The following FREM2 variants were observed in gnomAD, a reference collection of about 807,000 sequenced individuals.
FREM2 encodes FRAS1-related extracellular matrix protein 2.
FREM2 carries 119 observed loss-of-function variants against 219.9 expected under a neutral mutation model. The ratio of observed to expected loss-of-function variants is 0.54; its 90% CI spans 0.47 to 0.63. The LOEUF is 0.63. Among genes scored for constraint, FREM2 ranks in the 30% least tolerant of loss-of-function variants. The probability of loss-of-function intolerance (pLI) is 0.00; values close to 1 mark genes in which losing one functional copy is unlikely to be tolerated. For synonymous variants in FREM2, 1,562 were observed against 1,522.8 expected, an observed-to-expected ratio of 1.03 and a Z score of -0.60; for missense variants, 4,030 against 3,993.6, an observed-to-expected ratio of 1.01 and a Z score of -0.25.
rs757221688 is a variant in FREM2, at chr13:38,692,062, C to T, written c.4718C>T (p.Thr1573Ile). 8 of 1,614,188 alleles carry T rather than the reference C, an allele frequency of 5.0e-6. No homozygotes were observed. Among genetic ancestry groups the T allele is most frequent in the Non-Finnish European group, 6.8e-6 (8 of 1,180,030 alleles). Residue 1573 changes from threonine (T) to isoleucine (I), a missense_variant, in exon 1 of 24, where the codon ACC becomes ATC. This residue lies in a region of FREM2 where 3,102 missense variants were observed against 2,950.7 expected (regional missense o/e 1.05). Transcript: ENST00000280481. Reference protein sequence around the residue: ...TPDKLLKFTITQVPIHGHLLF... With the variant: ...TPDKLLKFTIIQVPIHGHLLF... ...GACAAGCTCCTGAAATTCACTATCACCCAGGTGCCTATTCATGGCCATCTC... is the reference window on the plus strand; with the variant it reads ...GACAAGCTCCTGAAATTCACTATCATCCAGGTGCCTATTCATGGCCATCTC...
At chr13:38,863,673 T>C (rs1365815717) in intron 15 of FREM2, among the ~76,000 whole-genome samples, 3 of 152,192 alleles carry the variant, frequency 2.0e-5, no homozygotes, top group Non-Finnish European at 4.4e-5. Context: ...TATCATATCT[T>C]GTAGTCTCTG....
intron 6 of FREM2, among the ~76,000 whole-genome samples, chr13:38,801,488 G>T (rs933577908): frequency 6.6e-6 from 1 of 152,112 alleles, no homozygotes; most frequent in Non-Finnish European, 1.5e-5. Flanking sequence ...ACTTTTTTAG[G>T]TGATGACTTT....
chr13:38,727,282 TA>T (rs1307234415), intron 2 of FREM2, among the ~76,000 whole-genome samples: 1 of 152,138 alleles, frequency 6.6e-6, no homozygotes, highest in Admixed American at 6.6e-5. Context: ...TTAAATGCTA[TA>T]AAAATACAGA....
Position 38,761,624 on chromosome 13 carries a change from C to A in FREM2, c.5264-2680C>A, listed in dbSNP as rs371255887. Among the ~76,000 whole-genome samples the A allele has an allele frequency of 3.3e-5, 5 of 152,134 alleles. No individual in the cohort carries two copies. In the East Asian group the frequency reaches 9.7e-4, roughly 29 times the overall value. On this transcript the variant is annotated intron_variant, in intron 2 of 23. Transcript: ENST00000280481. ...TAATACAATTAAATATGAGAGGATA[C>A]CCACTAAAGTGCACAACTATACAGA...
chr13:38,710,296 G>A (rs1356564160), intron 2 of FREM2, among the ~76,000 whole-genome samples: 3 of 151,990 alleles, frequency 2.0e-5, no homozygotes, highest in African/African-American at 7.2e-5. Flanking sequence ...CTATTTCTAA[G>A]ACTTAAAAAA....
chr13:38,809,832 T>C (rs748651890), intron 6 of FREM2, among the ~76,000 whole-genome samples: 1 of 152,120 alleles, frequency 6.6e-6, no homozygotes, highest in East Asian at 1.9e-4. Context: ...TGATTCCATA[T>C]AAATTTTAGG....
intron 18 of FREM2, 58 bp from the exon 19 acceptor site, chr13:38,875,951 AACTCTAAACTGTT>A: frequency 1.5e-6 from 2 of 1,366,324 alleles, no homozygotes; most frequent in East Asian, 2.3e-5. Context: ...TTATTTTGAA[AACTCTAAACTGTT>A]ATGCACTCTT....
rs368385671 is a variant in FREM2, at chr13:38,688,379, C to T, written c.1035C>T (p.Ala345=). Residue 345 remains alanine (A), a synonymous_variant, in exon 1 of 24, where the codon GCC becomes GCT. Transcript: ENST00000280481. ...CCCTGACCCCAGACATGCTGGCAGC[C>T]GAGGATGCTGAGTCTCCCTCTGACC... ...LTALTPDMLA[A]EDAESPSDLL... is the part of the protein sequence containing the mutation. The T allele has an allele frequency of 2.0e-5, 32 of 1,613,944 alleles. No homozygotes were observed. Among genetic ancestry groups the T allele is most frequent in the Middle Eastern group, 1.6e-4 (1 of 6,082 alleles).
chr13:38,704,196 G>A (rs746141354), intron 2 of FREM2, among the ~76,000 whole-genome samples: 2 of 152,016 alleles, frequency 1.3e-5, no homozygotes, highest in African/African-American at 2.4e-5. Flanking sequence ...TTTCTTTATC[G>A]AATTACTCAA....
At chr13:38,780,059 G>A (rs1002260888) in intron 4 of FREM2, among the ~76,000 whole-genome samples, 2 of 151,968 alleles carry the variant, frequency 1.3e-5, no homozygotes, top group African/African-American at 2.4e-5. Flanking sequence ...TTTGACTCGT[G>A]GCTCTACATA....
Position 38,864,465 on chromosome 13 carries a change from C to T in FREM2, c.7842C>T (p.Tyr2614=), listed in dbSNP as rs765030308. 50 of 1,614,070 alleles carry T rather than the reference C, an allele frequency of 3.1e-5. No individual in the cohort carries two copies. Among genetic ancestry groups the T allele is most frequent in the Non-Finnish European group, 3.9e-5 (46 of 1,180,022 alleles). Residue 2614 remains tyrosine, a synonymous_variant, in exon 16 of 24, where the codon TAC becomes TAT. Coordinates refer to ENST00000280481, the MANE Select transcript of FREM2 (RefSeq NM_207361.6). ...TTGGAGAGACATATCCTTACCAGTA[C>T]AGCTTGTCCATCAGAGGTTCCACTA... The part of the protein sequence containing the change: ...EIIGETYPYQ[Y]SLSIRGSTTL...
chr13:38,701,958 A>G (rs1012997589), intron 2 of FREM2, among the ~76,000 whole-genome samples: 2 of 152,180 alleles, frequency 1.3e-5, no homozygotes, highest in African/African-American at 4.8e-5. Context: ...GCACGAGGTA[A>G]ATACTTACCG....
chr13:38,778,225 A>G (rs1873956437), intron 4 of FREM2, among the ~76,000 whole-genome samples: 1 of 152,214 alleles, frequency 6.6e-6, no homozygotes, highest in Non-Finnish European at 1.5e-5. Context: ...CTATAACAAA[A>G]TGCCACAGAC....
chr13:38,687,527 G>A lies in FREM2; in HGVS notation c.183G>A (p.Ala61=). 1 of 1,597,684 alleles carries A rather than the reference G, an allele frequency of 6.3e-7. No homozygotes were observed. The highest frequency in any genetic ancestry group is 8.5e-7 in the Non-Finnish European group (1 of 1,172,280). ...FGRALLSPGL[A]GAAGVPAEEA... The stretch of plus-strand genomic sequence containing the variant: ...GGGCGTTGCTGTCCCCTGGTCTCGC[G>A]GGGGCTGCAGGGGTCCCTGCTGAGG... Residue 61 remains alanine (A), a synonymous_variant, in exon 1 of 24, where the codon GCG becomes GCA. Transcript: ENST00000280481.
intron 6 of FREM2, among the ~76,000 whole-genome samples, chr13:38,802,567 A>G (rs927456499): frequency 1.3e-5 from 2 of 152,118 alleles, no homozygotes; most frequent in African/African-American, 4.8e-5. Flanking sequence ...GCCCACCCCA[A>G]TGGCAGTAAG....
chr13:38,696,065 T>C (rs1487536189), intron 1 of FREM2, among the ~76,000 whole-genome samples: 1 of 152,118 alleles, frequency 6.6e-6, no homozygotes. Context: ...CATAGCACTT[T>C]GGGAGGCTGA....
In FREM2 at chr13:38,806,151, C is replaced by T. The variant is rs372721966; in HGVS notation, c.6019+21343C>T. ...ATTCACTAAATACAAGTAGGAGGGT[C>T]CAGAGAAGAGAGACTTCTCCATGTT... On this transcript the variant is annotated intron_variant, in intron 6 of 23. Coordinates refer to ENST00000280481, the MANE Select transcript of FREM2 (RefSeq NM_207361.6). Among the ~76,000 whole-genome samples the T allele has an allele frequency of 8.3e-4, 126 of 151,798 alleles. 1 individual carries two copies. The highest frequency in any genetic ancestry group is 3.0e-3 in the African/African-American group (125 of 41,460).
intron 2 of FREM2, among the ~76,000 whole-genome samples, chr13:38,755,824 C>T (rs1872973779): frequency 6.6e-6 from 1 of 152,254 alleles, no homozygotes. Context: ...AGGGGTGATT[C>T]TTCATTAGAA....
intron 12 of FREM2, among the ~76,000 whole-genome samples, chr13:38,856,909 T>G (rs1464057198): frequency 1.3e-5 from 2 of 152,136 alleles, no homozygotes; most frequent in African/African-American, 4.8e-5. Flanking sequence ...ACATTTACTG[T>G]ATTACTTTTT....
Sources: gnomAD v4.1 joint callset for allele counts (sites outside exome capture counted in the v4.1 genomes callset) on GRCh38, gnomAD v4.1.1 for gene constraint, gnomAD v4.1.1 regional missense constraint, MANE v1.5 for transcripts, NCBI Gene and HGNC (gene_info 2026-07-23, HGNC 2026-07-21) for gene names.